Variants in DPYD observed in about 807,000 individuals in gnomAD.
The protein encoded by DPYD is dihydropyrimidine dehydrogenase [NADP(+)].
A neutral mutation model predicts 116.2 loss-of-function variants in DPYD; 109 were observed. The observed-to-expected ratio is 0.94, with a 90% CI of 0.80 to 1.10. The LOEUF is 1.10. DPYD is among the 50% of genes least tolerant of loss of function. DPYD has a pLI of 0.00. For synonymous variants in DPYD, 440 were observed against 432.0 expected (o/e 1.02, Z -0.23); for missense variants, 1,302 against 1,254.5 (o/e 1.04, Z -0.57).
intron 7 of DPYD, 147 bp from the exon 8 acceptor site, chr1:97,679,329 A>G: frequency 1.8e-6 from 1 of 541,348 alleles, no homozygotes; most frequent in Non-Finnish European, 3.4e-6. Context: ...TTTAGTATAT[A>G]GGTTTACATA....
intron 3 of DPYD, among the ~76,000 whole-genome samples, chr1:97,761,242 C>A (rs1414392091): frequency 2.6e-5 from 4 of 151,816 alleles, no homozygotes; most frequent in Admixed American, 6.6e-5. Flanking sequence ...TAAAATGATA[C>A]AAGGAAAAAC....
intron 8 of DPYD, among the ~76,000 whole-genome samples, chr1:97,624,590 G>A (rs1228735942): frequency 6.6e-6 from 1 of 151,934 alleles, no homozygotes; most frequent in African/African-American, 2.4e-5. Context: ...CAATTACCAT[G>A]TGATCCAGAA....
Position 97,706,824 on chromosome 1 carries a change from G to A in DPYD, c.484-7277C>T, listed in dbSNP as rs1260925844. 2.6e-5 allele frequency among the ~76,000 whole-genome samples: 4 copies of A among 152,042 alleles called. No individual in the cohort carries two copies. The East Asian group carries it at 7.7e-4, about 29-fold the overall frequency. ...GAATAAAGCTGCTATAAATATCCAT[G>A]TGCAGGTTTGCATGTTAACGTAAGT... On this transcript the variant is annotated intron_variant, in intron 5 of 22. Coordinates refer to ENST00000370192, the MANE Select transcript of DPYD (RefSeq NM_000110.4).
chr1:97,473,058 A>T (rs1288233649), intron 13 of DPYD, among the ~76,000 whole-genome samples: 2 of 152,186 alleles, frequency 1.3e-5, no homozygotes, highest in Non-Finnish European at 2.9e-5. Context: ...TGTATATTAG[A>T]TCCCCAGAAC....
At chr1:97,306,115 T>A (rs1426719061) in intron 17 of DPYD, 62 bp downstream of exon 17, 2 of 1,609,436 alleles carry the variant, frequency 1.2e-6, no homozygotes, top group Non-Finnish European at 1.7e-6. Context: ...TACTTGAGTA[T>A]GGCTACATAA....
intron 18 of DPYD, chr1:97,279,973 T>C (rs1665201163): frequency 1.3e-5 from 2 of 152,174 alleles, no homozygotes; most frequent in Non-Finnish European, 2.9e-5. Flanking sequence ...ATTGCTTTCA[T>C]GACGGAGATC....
intron 10 of DPYD, among the ~76,000 whole-genome samples, chr1:97,578,437 G>A (rs1309338117): frequency 1.3e-5 from 2 of 151,956 alleles, no homozygotes; most frequent in African/African-American, 4.8e-5. Context: ...ACAGCCTTAG[G>A]CACACTGCTG....
chr1:97,478,326 T>C (rs1299870483), intron 13 of DPYD, among the ~76,000 whole-genome samples: 1 of 152,168 alleles, frequency 6.6e-6, no homozygotes, highest in Non-Finnish European at 1.5e-5. Context: ...TCTTACTCTG[T>C]TGCCAGGCTG....
At chr1:97,410,881 C>T (rs999597033) in intron 14 of DPYD, among the ~76,000 whole-genome samples, 12 of 152,064 alleles carry the variant, frequency 7.9e-5, no homozygotes, top group African/African-American at 2.4e-4. Context: ...GTCCTACTTA[C>T]ACAGAAAAAG....
intron 3 of DPYD, among the ~76,000 whole-genome samples, chr1:97,775,711 A>G (rs1666363056): frequency 6.6e-6 from 1 of 152,094 alleles, no homozygotes; most frequent in Non-Finnish European, 1.5e-5. Context: ...CCTCCTCAGG[A>G]TGTCATCTTT....
intron 3 of DPYD, among the ~76,000 whole-genome samples, chr1:97,760,824 T>C (rs981612670): frequency 3.3e-5 from 5 of 152,096 alleles, no homozygotes; most frequent in East Asian, 1.9e-4. Context: ...GCTAGTGTAA[T>C]TGAGACCAAA....
At chr1:97,695,273 C>T (rs1661234098) in intron 6 of DPYD, among the ~76,000 whole-genome samples, 1 of 151,328 alleles carries the variant, frequency 6.6e-6, no homozygotes, top group South Asian at 2.1e-4. Flanking sequence ...TTTTGTTTTA[C>T]AGGAATAAAT....
chr1:97,538,821 T>C (rs925872672), intron 12 of DPYD, among the ~76,000 whole-genome samples: 12 of 152,220 alleles, frequency 7.9e-5, no homozygotes, highest in Non-Finnish European at 1.5e-5. Flanking sequence ...TTCCAGAATA[T>C]TTGTGTGTGT....
intron 20 of DPYD, among the ~76,000 whole-genome samples, chr1:97,101,364 A>T (rs6697058): frequency 0.11 from 16,539 of 151,558 alleles, 1,349 homozygotes; most frequent in African/African-American, 0.23. Context: ...TTTAAAAGTA[A>T]AGTTTTCCGA....
intron 8 of DPYD, among the ~76,000 whole-genome samples, chr1:97,652,835 GTTTA>G (rs1658665969): frequency 6.6e-6 from 1 of 152,020 alleles, no homozygotes; most frequent in Non-Finnish European, 1.5e-5. Flanking sequence ...ACCCATAATT[GTTTA>G]TTTGTCTCCT....
intron 20 of DPYD, among the ~76,000 whole-genome samples, chr1:97,102,480 T>TATCTATCTATCTATC (rs1650799635): frequency 3.6e-5 from 3 of 83,524 alleles, no homozygotes; most frequent in Middle Eastern, 0.011. Flanking sequence ...TCTATCTATC[T>TATCTATCTATCTATC]ATCTATCTAT....
chr1:97,210,996 T>C (rs1421884233), intron 19 of DPYD, among the ~76,000 whole-genome samples: 1 of 152,144 alleles, frequency 6.6e-6, no homozygotes, highest in Non-Finnish European at 1.5e-5. Context: ...ATACTTTCTT[T>C]ATTCACTCTT....
At chr1:97,416,618 A>G (rs1338335912) in intron 14 of DPYD, among the ~76,000 whole-genome samples, 1 of 152,196 alleles carries the variant, frequency 6.6e-6, no homozygotes, top group Non-Finnish European at 1.5e-5. Flanking sequence ...AGCAGTTGGC[A>G]TTGCCTGTGG....
chr1:97,623,824 A>G, intron 8 of DPYD, among the ~76,000 whole-genome samples: 1 of 151,972 alleles, frequency 6.6e-6, no homozygotes, highest in East Asian at 1.9e-4. Context: ...CCAGAAATAA[A>G]CCCATGCATA....
Sources: allele counts gnomAD v4.1 joint callset (sites outside exome capture counted in the v4.1 genomes callset), GRCh38; gene constraint gnomAD v4.1.1; transcripts MANE v1.5; gene names NCBI Gene and HGNC (gene_info 2026-07-23, HGNC 2026-07-21).